Variants in STX6 observed in about 807,000 individuals in gnomAD.
The protein encoded by STX6 is syntaxin 6, also known as syntaxin-6.
STX6 carries 23 observed loss-of-function variants against 38.0 expected under a neutral mutation model. The observed-to-expected ratio is 0.60, with a 90% CI of 0.43 to 0.86. The LOEUF (loss-of-function observed/expected upper bound fraction) is 0.86. Among genes scored for constraint, STX6 ranks in the 40% least tolerant of loss-of-function variants. The pLI is 0.00. For missense variants in STX6, 274 were observed against 312.9 expected, an observed-to-expected ratio of 0.88 and a Z score of 0.94; for synonymous variants, 123 against 107.5, an observed-to-expected ratio of 1.14 and a Z score of -0.89.
At chr1:180,990,148 A>T in intron 4 of STX6, 39 bp from the exon 5 acceptor site, 1 of 1,612,250 alleles carries the variant, frequency 6.2e-7, no homozygotes, top group Non-Finnish European at 8.5e-7. Flanking sequence ...AGGAGAAACA[A>T]ACAATTACTA....
chr1:181,001,313 G>A (rs1022056258), intron 3 of STX6, among the ~76,000 whole-genome samples: 3 of 152,148 alleles, frequency 2.0e-5, no homozygotes, highest in Non-Finnish European at 4.4e-5. Context: ...CTGCTTTCTA[G>A]TACATATGTT....
At chr1:180,982,525 A>G (rs537870448) in intron 7 of STX6, among the ~76,000 whole-genome samples, 77 of 152,348 alleles carry the variant, frequency 5.1e-4, no homozygotes, top group African/African-American at 1.8e-3. Flanking sequence ...AGCAAACTTC[A>G]GTGCTATTTA....
At chr1:181,003,783 A>T (rs1656149429) in intron 2 of STX6, among the ~76,000 whole-genome samples, 1 of 152,212 alleles carries the variant, frequency 6.6e-6, no homozygotes, top group Non-Finnish European at 1.5e-5. Context: ...TCCAGTTGGA[A>T]AAAAAGGCTA....
At chr1:180,981,039 G>A (rs1449182597) in intron 7 of STX6, among the ~76,000 whole-genome samples, 1 of 152,148 alleles carries the variant, frequency 6.6e-6, no homozygotes, top group Non-Finnish European at 1.5e-5. Flanking sequence ...GGGATAAACA[G>A]GTGGAACACA....
At chr1:181,004,911 A>G (rs1364944657) in intron 2 of STX6, among the ~76,000 whole-genome samples, 1 of 151,722 alleles carries the variant, frequency 6.6e-6, no homozygotes, top group Non-Finnish European at 1.5e-5. Flanking sequence ...AGTGTCAGAA[A>G]TATCATACTG....
intron 3 of STX6, among the ~76,000 whole-genome samples, chr1:181,000,585 T>C (rs770713606): frequency 8.5e-5 from 13 of 152,166 alleles, no homozygotes; most frequent in Non-Finnish European, 1.8e-4. Flanking sequence ...GGGATTACAA[T>C]TCAAGATGAG....
chr1:181,010,501 T>A (rs1287949779), intron 1 of STX6, among the ~76,000 whole-genome samples: 1 of 152,074 alleles, frequency 6.6e-6, no homozygotes, highest in Non-Finnish European at 1.5e-5. Context: ...AGAGTTTCAC[T>A]ATGTTGGCCA....
intron 1 of STX6, 112 bp downstream of exon 1, chr1:181,022,527 C>T (rs570882832): frequency 1.8e-6 from 2 of 1,110,558 alleles, no homozygotes; most frequent in Non-Finnish European, 2.7e-6. Flanking sequence ...CCACTGTTCC[C>T]CCTCCCCAGC....
intron 1 of STX6, among the ~76,000 whole-genome samples, chr1:181,020,868 T>C (rs1656705866): frequency 6.6e-6 from 1 of 152,240 alleles, no homozygotes; most frequent in Non-Finnish European, 1.5e-5. Context: ...GCATGCTGTG[T>C]AATGCATTTT....
intron 5 of STX6, chr1:180,989,497 CAAAAAAAA>C (rs758234812): frequency 1.6e-5 from 1 of 62,764 alleles, no homozygotes; most frequent in Non-Finnish European, 3.7e-5. Flanking sequence ...CTCCGTCTCA[CAAAAAAAA>C]AAAAAAAAAA....
intron 7 of STX6, 114 bp from the exon 8 acceptor site, chr1:180,976,760 G>C: frequency 1.1e-6 from 1 of 950,428 alleles, no homozygotes; most frequent in East Asian, 2.5e-5. Context: ...ACGTGCAAAT[G>C]ACGGGGCCAT....
intron 7 of STX6, among the ~76,000 whole-genome samples, chr1:180,982,587 C>T (rs1655447760): frequency 6.6e-6 from 1 of 152,220 alleles, no homozygotes; most frequent in Non-Finnish European, 1.5e-5. Context: ...ATTATTCATA[C>T]CCAGAATGCT....
intron 1 of STX6, among the ~76,000 whole-genome samples, chr1:181,018,579 G>A (rs1274969276): frequency 6.6e-6 from 1 of 151,726 alleles, no homozygotes; most frequent in East Asian, 1.9e-4. Context: ...TCCTTTTTGT[G>A]AAATGATGAC....
chr1:181,018,414 A>G (rs1284100259), intron 1 of STX6, among the ~76,000 whole-genome samples: 162 of 132,348 alleles, frequency 1.2e-3, no homozygotes, highest in Non-Finnish European at 2.4e-3. Flanking sequence ...AAAAAAAAAA[A>G]GAAAAGAAAA....
At chr1:181,022,126 G>A (rs1455175140) in intron 1 of STX6, among the ~76,000 whole-genome samples, 6 of 149,348 alleles carry the variant, frequency 4.0e-5, no homozygotes, top group Non-Finnish European at 8.9e-5. Flanking sequence ...CAGCAAACGT[G>A]CTCAGACGCC....
chr1:181,020,701 C>CAG (rs1558102808), intron 1 of STX6, among the ~76,000 whole-genome samples: 15 of 152,322 alleles, frequency 9.8e-5, no homozygotes, highest in African/African-American at 3.6e-4. Flanking sequence ...AAGGAGTTAC[C>CAG]TTTCTCTGAA....
intron 6 of STX6, among the ~76,000 whole-genome samples, chr1:180,986,382 T>C (rs1655584609): frequency 6.6e-6 from 1 of 152,252 alleles, no homozygotes; most frequent in African/African-American, 2.4e-5. Flanking sequence ...TTTTATATTT[T>C]TCTATATGAA....
intron 3 of STX6, among the ~76,000 whole-genome samples, chr1:180,998,438 A>C (rs1213777728): frequency 1.3e-5 from 2 of 151,854 alleles, no homozygotes; most frequent in Non-Finnish European, 2.9e-5. Context: ...GCTGGAGTGC[A>C]GTGGCACAAT....
chr1:180,989,536 G>A (rs924673963), intron 5 of STX6, among the ~76,000 whole-genome samples: 17 of 150,354 alleles, frequency 1.1e-4, no homozygotes, highest in African/African-American at 3.7e-4. Flanking sequence ...AATAATTTTC[G>A]AAGAAAAAAA....
Sources: gnomAD v4.1 joint callset for allele counts (sites outside exome capture counted in the v4.1 genomes callset) on GRCh38, gnomAD v4.1.1 for gene constraint, MANE v1.5 for transcripts, NCBI Gene and HGNC (gene_info 2026-07-23, HGNC 2026-07-21) for gene names.